The following PTPRO variants were observed in gnomAD, a reference collection of about 807,000 sequenced individuals.
The protein encoded by PTPRO is receptor-type tyrosine-protein phosphatase O.
In PTPRO, 62 loss-of-function variants were observed where a neutral mutation model predicts 145.2. The observed-to-expected ratio is 0.43, with a 90% CI of 0.35 to 0.53. The LOEUF is 0.53. Ranked by LOEUF, PTPRO falls within the 20% of genes least tolerant of loss-of-function variation. The pLI is 0.01. For synonymous variants in PTPRO, 565 were observed against 514.7 expected, an observed-to-expected ratio of 1.10 and a Z score of -1.32; for missense variants, 1,345 against 1,482.7, an observed-to-expected ratio of 0.91 and a Z score of 1.53.
intron 1 of PTPRO, among the ~76,000 whole-genome samples, chr12:15,444,124 A>G (rs2136364933): frequency 6.6e-6 from 1 of 152,278 alleles, no homozygotes; most frequent in South Asian, 2.1e-4. Context: ...AAAATATGGC[A>G]CATATAGACT....
At chr12:15,512,096 A>T (rs1164087867) in intron 7 of PTPRO, among the ~76,000 whole-genome samples, 1 of 134,914 alleles carries the variant, frequency 7.4e-6, no homozygotes, top group African/African-American at 2.6e-5. Flanking sequence ...TAAATGGAGC[A>T]ATGTTTTTTT....
chr12:15,439,620 G>T, intron 1 of PTPRO: 1 of 293,862 alleles, frequency 3.4e-6, no homozygotes, highest in South Asian at 3.3e-5. Context: ...TTTTGGCAGT[G>T]GCATCTGGGC....
chr12:15,515,816 A>T (rs1041740362), intron 8 of PTPRO, among the ~76,000 whole-genome samples, 198 bp downstream of exon 8: 1 of 152,022 alleles, frequency 6.6e-6, no homozygotes, highest in African/African-American at 2.4e-5. Context: ...TTGGGGAAAA[A>T]ATCAGAGGCA....
chr12:15,367,534 T>A (rs561590599), intron 1 of PTPRO, among the ~76,000 whole-genome samples: 92 of 152,292 alleles, frequency 6.0e-4, no homozygotes, highest in South Asian at 1.7e-3. Context: ...TAAATTAATA[T>A]CTTCAACCTG....
chr12:15,435,597 C>G (rs1217897577), intron 1 of PTPRO, among the ~76,000 whole-genome samples: 3 of 151,426 alleles, frequency 2.0e-5, no homozygotes, highest in African/African-American at 7.3e-5. Context: ...TCTATAATTC[C>G]TCTTTACCTG....
chr12:15,508,374 T>C (rs1321386488), intron 6 of PTPRO, among the ~76,000 whole-genome samples, 197 bp from the exon 7 acceptor site: 1 of 152,182 alleles, frequency 6.6e-6, no homozygotes, highest in Non-Finnish European at 1.5e-5. Flanking sequence ...CCGAGGCTGC[T>C]GTTTAGATCA....
Position 15,560,191 on chromosome 12 carries a change from A to C in PTPRO, c.2628-2A>C. ...CCATCTGTTGTCTATTAATGCACAC[A>C]GGCGTAGGAGTATATTTGCTTTCTT... On this transcript the variant is annotated splice_acceptor_variant, in intron 16 of 26. Coordinates refer to ENST00000281171, the MANE Select transcript of PTPRO (RefSeq NM_030667.3). LOFTEE classifies it high-confidence loss of function. 6.3e-7 allele frequency: 1 copy of C among 1,576,330 alleles called. No individual in the cohort carries two copies. Among genetic ancestry groups the C allele is most frequent in the East Asian group, 2.2e-5 (1 of 44,578 alleles).
chr12:15,581,608 T>C, intron 22 of PTPRO, 71 bp from the exon 23 acceptor site: 1 of 1,549,554 alleles, frequency 6.5e-7, no homozygotes, highest in Non-Finnish European at 8.9e-7. Context: ...ACCTTTGTTT[T>C]CCCTAAGTGA....
chr12:15,578,991 G>A (rs561678237), intron 20 of PTPRO, 48 bp downstream of exon 20: 1 of 1,451,228 alleles, frequency 6.9e-7, no homozygotes, highest in Non-Finnish European at 9.7e-7. Context: ...AAGGGTTGAA[G>A]GACTGTCATT....
chr12:15,456,910 C>T (rs7137890), intron 1 of PTPRO, among the ~76,000 whole-genome samples: 42,808 of 151,964 alleles, frequency 0.28, 6,554 homozygotes, highest in South Asian at 0.43. Flanking sequence ...TTTAAACAAA[C>T]CAATTCTTTT....
chr12:15,440,149 GC>G, intron 1 of PTPRO: 1 of 659,666 alleles, frequency 1.5e-6, no homozygotes, highest in Non-Finnish European at 2.8e-6. Context: ...CAGCCCCTGT[GC>G]CCAAGAAGCT....
chr12:15,407,837 G>A (rs1166779252), intron 1 of PTPRO, among the ~76,000 whole-genome samples: 1 of 152,156 alleles, frequency 6.6e-6, no homozygotes, highest in Non-Finnish European at 1.5e-5. Context: ...GAAACGAATT[G>A]TTTATTTATC....
At chr12:15,416,519 C>CT (rs1351918454) in intron 1 of PTPRO, among the ~76,000 whole-genome samples, 2 of 151,294 alleles carry the variant, frequency 1.3e-5, no homozygotes, top group South Asian at 2.1e-4. Flanking sequence ...CGGGGTTTCA[C>CT]CATGTTAGCC....
chr12:15,486,951 G>A (rs567974155), intron 2 of PTPRO, among the ~76,000 whole-genome samples: 1 of 152,172 alleles, frequency 6.6e-6, no homozygotes, highest in Non-Finnish European at 1.5e-5. Flanking sequence ...TGGGTTTAAG[G>A]TATTAGACAC....
chr12:15,549,985 A>C (rs746460969), intron 14 of PTPRO, among the ~76,000 whole-genome samples: 1 of 152,108 alleles, frequency 6.6e-6, no homozygotes, highest in Non-Finnish European at 1.5e-5. Context: ...ATATACCTGC[A>C]AAGTATTTTA....
At chr12:15,570,704 C>CT (rs1944025827) in intron 19 of PTPRO, among the ~76,000 whole-genome samples, 1 of 152,064 alleles carries the variant, frequency 6.6e-6, no homozygotes, top group Non-Finnish European at 1.5e-5. Flanking sequence ...GAAAGGAGGA[C>CT]TTTTTTTCTA....
intron 1 of PTPRO, among the ~76,000 whole-genome samples, chr12:15,479,290 A>G (rs1941728123): frequency 6.6e-6 from 1 of 152,152 alleles, no homozygotes; most frequent in Admixed American, 6.5e-5. Flanking sequence ...CTCAAACCCC[A>G]ACATGGAATT....
intron 1 of PTPRO, among the ~76,000 whole-genome samples, chr12:15,454,330 C>T (rs1228514046): frequency 6.6e-6 from 1 of 152,114 alleles, no homozygotes; most frequent in Non-Finnish European, 1.5e-5. Flanking sequence ...GAGCATTTTT[C>T]CATAAGGTTT....
chr12:15,441,471 C>A (rs1477433778), intron 1 of PTPRO, among the ~76,000 whole-genome samples: 1 of 151,846 alleles, frequency 6.6e-6, no homozygotes, highest in Non-Finnish European at 1.5e-5. Context: ...CAAACTAACC[C>A]CAAAGTTCTC....
Sources: gnomAD v4.1 joint callset for allele counts (sites outside exome capture counted in the v4.1 genomes callset) on GRCh38, gnomAD v4.1.1 for gene constraint, MANE v1.5 for transcripts, NCBI Gene and HGNC (gene_info 2026-07-23, HGNC 2026-07-21) for gene names.